Variants in GRIP1 observed in about 807,000 individuals in gnomAD.
GRIP1 encodes glutamate receptor interacting protein 1.
In GRIP1, 45 loss-of-function variants were observed where a neutral mutation model predicts 129.9. The observed-to-expected ratio is 0.35, with a 90% CI of 0.27 to 0.44. The LOEUF (loss-of-function observed/expected upper bound fraction) is 0.44. Ranked by LOEUF, GRIP1 falls within the 20% of genes least tolerant of loss-of-function variation. The probability of loss-of-function intolerance (pLI) is 1.00; values close to 1 mark genes in which losing one functional copy is unlikely to be tolerated. For synonymous variants in GRIP1, 530 were observed against 520.8 expected, an observed-to-expected ratio of 1.02 and a Z score of -0.24; for missense variants, 1,196 against 1,396.8, an observed-to-expected ratio of 0.86 and a Z score of 2.29.
At chr12:66,721,276 ATTCT>A (rs2036049078) in intron 1 of GRIP1, among the ~76,000 whole-genome samples, 1 of 151,876 alleles carries the variant, frequency 6.6e-6, no homozygotes, top group Non-Finnish European at 1.5e-5. Flanking sequence ...ATTTAGCATA[ATTCT>A]TTCTTTTTTT....
chr12:67,059,944 G>C (rs1007305564), intron 1 of GRIP1, among the ~76,000 whole-genome samples: 3 of 152,150 alleles, frequency 2.0e-5, no homozygotes, highest in Non-Finnish European at 4.4e-5. Flanking sequence ...TGTGACTAGC[G>C]AGTTTATCTC....
At chr12:67,054,959 C>G (rs1016917088) in intron 1 of GRIP1, among the ~76,000 whole-genome samples, 1 of 152,072 alleles carries the variant, frequency 6.6e-6, no homozygotes, top group African/African-American at 2.4e-5. Flanking sequence ...GCCTACTAGT[C>G]AAGTAATACG....
intron 1 of GRIP1, among the ~76,000 whole-genome samples, chr12:66,746,211 TAGAAG>T (rs529853391): frequency 5.9e-5 from 9 of 152,124 alleles, no homozygotes; most frequent in Non-Finnish European, 1.2e-4. Flanking sequence ...TGGGAGAACT[TAGAAG>T]AGAAATCAAT....
At chr12:66,694,214 T>G (rs553950436) in intron 1 of GRIP1, among the ~76,000 whole-genome samples, 1 of 152,148 alleles carries the variant, frequency 6.6e-6, no homozygotes, top group African/African-American at 2.4e-5. Context: ...CCAGCATGAT[T>G]TGAGTTGTGA....
chr12:66,665,954 T>C (rs1362413467), intron 1 of GRIP1, among the ~76,000 whole-genome samples: 1 of 152,216 alleles, frequency 6.6e-6, no homozygotes, highest in Admixed American at 6.5e-5. Context: ...CTTTTAATTG[T>C]AGTTTTCCTT....
intron 2 of GRIP1, among the ~76,000 whole-genome samples, chr12:66,590,612 T>G (rs879831291): frequency 6.6e-6 from 1 of 152,192 alleles, no homozygotes; most frequent in African/African-American, 2.4e-5. Flanking sequence ...GCAGAACATG[T>G]GAATGAATCA....
chr12:67,019,749 T>G (rs528899925), intron 1 of GRIP1, among the ~76,000 whole-genome samples: 2 of 152,200 alleles, frequency 1.3e-5, no homozygotes, highest in South Asian at 4.1e-4. Flanking sequence ...GTAGAATTTA[T>G]CCTATAATCC....
chr12:67,011,347 T>C (rs896671343), intron 1 of GRIP1, among the ~76,000 whole-genome samples: 2 of 152,156 alleles, frequency 1.3e-5, no homozygotes, highest in African/African-American at 2.4e-5. Flanking sequence ...CTCTACATAA[T>C]TGATATAAAA....
intron 1 of GRIP1, among the ~76,000 whole-genome samples, chr12:66,841,333 A>G (rs965339983): frequency 6.6e-6 from 1 of 152,206 alleles, no homozygotes; most frequent in Non-Finnish European, 1.5e-5. Context: ...AGAGCATACC[A>G]TTAATAAAAC....
chr12:66,582,606 C>A lies in GRIP1; in HGVS notation c.136+14241G>T, dbSNP rs913508117. 1.5e-3 allele frequency among the ~76,000 whole-genome samples: 206 copies of A among 137,544 alleles called. 13 individuals carry two copies. Among genetic ancestry groups the A allele is most frequent in the South Asian group, 0.014 (60 of 4,310 alleles). The allele number at this position is 137,544 out of a possible 152,430, so 90.2% of individuals were successfully genotyped here. ...CAAAAATCACAAGCATTCTTATACA[C>A]CAATAACAGACAAACAGAGAGCCAA... On this transcript the variant is annotated intron_variant, in intron 2 of 24. Coordinates refer to ENST00000359742, the MANE Select transcript of GRIP1 (RefSeq NM_001366722.1).
intron 1 of GRIP1, among the ~76,000 whole-genome samples, chr12:66,624,420 A>C (rs980450439): frequency 6.6e-6 from 1 of 152,182 alleles, no homozygotes; most frequent in African/African-American, 2.4e-5. Context: ...AAAAAATTAG[A>C]AGTAAAGTAA....
chr12:66,634,641 AGAGGTTTAACAC>A (rs1397722752), intron 1 of GRIP1, among the ~76,000 whole-genome samples: 3 of 152,240 alleles, frequency 2.0e-5, no homozygotes, highest in African/African-American at 7.2e-5. Context: ...TTTATCCCAA[AGAGGTTTAACAC>A]AGTAAAATCT....
intron 23 of GRIP1, among the ~76,000 whole-genome samples, chr12:66,361,818 G>A (rs1478198597): frequency 6.6e-6 from 1 of 152,128 alleles, no homozygotes; most frequent in Non-Finnish European, 1.5e-5. Flanking sequence ...CTCTGCAACA[G>A]ATTGACCTCC....
chr12:67,053,450 G>A (rs975910109), intron 1 of GRIP1, among the ~76,000 whole-genome samples: 5 of 152,190 alleles, frequency 3.3e-5, no homozygotes, highest in Non-Finnish European at 7.3e-5. Context: ...ATTATGACAC[G>A]ATTGCTAACA....
intron 1 of GRIP1, among the ~76,000 whole-genome samples, chr12:66,812,475 C>T (rs566453962): frequency 5.1e-4 from 78 of 152,228 alleles, no homozygotes; most frequent in African/African-American, 1.7e-3. Flanking sequence ...CTGGTTCATT[C>T]GTCTGTTTGT....
intron 14 of GRIP1, among the ~76,000 whole-genome samples, chr12:66,427,130 T>C (rs1369754426): frequency 6.6e-6 from 1 of 152,210 alleles, no homozygotes; most frequent in Admixed American, 6.5e-5. Flanking sequence ...GAACCTGTAC[T>C]CCAAAGGGAG....
intron 4 of GRIP1, among the ~76,000 whole-genome samples, chr12:66,533,882 C>CAT (rs1565836329): frequency 1.7e-5 from 2 of 115,204 alleles, no homozygotes; most frequent in African/African-American, 5.8e-5. Context: ...CACACACATA[C>CAT]ACACACTCTC....
chr12:66,480,986 A>C (rs978123203), intron 7 of GRIP1, among the ~76,000 whole-genome samples: 1 of 152,212 alleles, frequency 6.6e-6, no homozygotes, highest in African/African-American at 2.4e-5. Flanking sequence ...AATATTATTC[A>C]GGACAGAGGC....
intron 11 of GRIP1, among the ~76,000 whole-genome samples, chr12:66,452,174 T>A (rs959962059): frequency 6.6e-6 from 1 of 152,168 alleles, no homozygotes; most frequent in Non-Finnish European, 1.5e-5. Flanking sequence ...ACTAGCTAGA[T>A]CTGTTGCTCA....
Sources: allele counts gnomAD v4.1 joint callset (sites outside exome capture counted in the v4.1 genomes callset), GRCh38; gene constraint gnomAD v4.1.1; transcripts MANE v1.5; gene names NCBI Gene and HGNC (gene_info 2026-07-23, HGNC 2026-07-21).